Variants in SLK observed in about 807,000 individuals in gnomAD.
SLK encodes STE20-like serine/threonine-protein kinase.
SLK carries 67 observed loss-of-function variants against 147.7 expected under a neutral mutation model. The observed-to-expected ratio is 0.45, with a 90% CI of 0.37 to 0.56. The LOEUF is 0.56. Among genes scored for constraint, SLK ranks in the 20% least tolerant of loss-of-function variants. The probability of loss-of-function intolerance (pLI) is 0.00; values close to 1 mark genes in which losing one functional copy is unlikely to be tolerated. For missense variants in SLK, 1,136 were observed against 1,438.8 expected (o/e 0.79, Z 3.41); for synonymous variants, 441 against 475.0 (o/e 0.93, Z 0.93).
Position 104,008,273 on chromosome 10 carries a change from C to G in SLK, c.2701C>G (p.Arg901Gly). 6.2e-7 allele frequency: 1 copy of G among 1,613,712 alleles called. No homozygotes were observed. Among genetic ancestry groups the G allele is most frequent in the Non-Finnish European group, 8.5e-7 (1 of 1,179,812 alleles). ...GGAACAAGAGCACACAAATCGCTTG[C>G]GAGATGAAGCCAAACGCATCAAAGG... is the stretch of plus-strand genomic sequence containing the variant. ...RLEQEHTNRL[R>G]DEAKRIKGEQ... is the part of the protein sequence containing the mutation. Residue 901 changes from arginine (R) to glycine (G), a missense_variant, in exon 12 of 19, where the codon CGA becomes GGA. This residue lies in a region of SLK where 327 missense variants were observed against 457.5 expected (regional missense o/e 0.71). Coordinates refer to ENST00000369755, the MANE Select transcript of SLK (RefSeq NM_014720.4).
intron 11 of SLK, among the ~76,000 whole-genome samples, chr10:104,006,561 A>G (rs1844328591): frequency 6.6e-6 from 1 of 152,226 alleles, no homozygotes; most frequent in African/African-American, 2.4e-5. Flanking sequence ...GGTAGCTGTC[A>G]CTGAGTCCTT....
chr10:104,012,138 G>A (rs1368387778), intron 13 of SLK, among the ~76,000 whole-genome samples: 2 of 151,852 alleles, frequency 1.3e-5, no homozygotes, highest in Non-Finnish European at 2.9e-5. Context: ...GGATTTTATA[G>A]ACCCATAAAA....
At chr10:104,010,138 C>T (rs547068134) in intron 12 of SLK, among the ~76,000 whole-genome samples, 1 of 152,228 alleles carries the variant, frequency 6.6e-6, no homozygotes, top group East Asian at 1.9e-4. Flanking sequence ...TTTAAGAGTG[C>T]TTATATTACC....
chr10:104,019,481 A>G (rs528002813), intron 15 of SLK, among the ~76,000 whole-genome samples: 21 of 152,182 alleles, frequency 1.4e-4, no homozygotes, highest in Non-Finnish European at 2.8e-4. Flanking sequence ...TATGTTTCAC[A>G]GGCTGGTCTC....
chr10:104,025,182 G>T (rs1258425920), intron 18 of SLK, among the ~76,000 whole-genome samples: 1 of 152,158 alleles, frequency 6.6e-6, no homozygotes, highest in Admixed American at 6.5e-5. Flanking sequence ...TAACAAGTAG[G>T]CAGGGGTAAG....
At chr10:104,010,494 G>T (rs1005871830) in intron 12 of SLK, among the ~76,000 whole-genome samples, 5 of 152,206 alleles carry the variant, frequency 3.3e-5, no homozygotes, top group Non-Finnish European at 2.9e-5. Flanking sequence ...AACAAGGTCA[G>T]TTGAGTTTAT....
intron 18 of SLK, among the ~76,000 whole-genome samples, chr10:104,023,351 G>T (rs557532173): frequency 7.9e-5 from 12 of 152,320 alleles, no homozygotes; most frequent in Admixed American, 5.9e-4. Flanking sequence ...AATGGTAGCA[G>T]TTGTATAGAG....
intron 18 of SLK, among the ~76,000 whole-genome samples, chr10:104,022,189 A>C (rs1411247291): frequency 6.6e-6 from 1 of 152,016 alleles, no homozygotes; most frequent in Non-Finnish European, 1.5e-5. Flanking sequence ...GGAGTATGAG[A>C]GGGGGTGTGT....
chr10:104,020,756 C>A, intron 17 of SLK, 143 bp downstream of exon 17: 2 of 770,980 alleles, frequency 2.6e-6, no homozygotes, highest in Non-Finnish European at 4.1e-6. Flanking sequence ...TGTACAGATC[C>A]AAATGAAGAT....
chr10:103,995,074 AACACCAATT>A (rs1844149378), intron 4 of SLK, among the ~76,000 whole-genome samples: 1 of 152,208 alleles, frequency 6.6e-6, no homozygotes, highest in Non-Finnish European at 1.5e-5. Context: ...TTTTGATATA[AACACCAATT>A]ATTTCATTAT....
At chr10:103,983,049 G>A (rs532194524) in intron 1 of SLK, among the ~76,000 whole-genome samples, 6 of 142,642 alleles carry the variant, frequency 4.2e-5, no homozygotes, top group Admixed American at 2.1e-4. Flanking sequence ...TCTATGTGAG[G>A]GGTGTGTGTA....
At position 104,003,531 on chromosome 10, in the gene SLK, AGT is replaced by A; in HGVS notation, c.2349+7_2349+8del. Reference sequence around the variant, plus strand: ...CAGTGGATCGATATCTTTACAAGTAAGTGTACATGAGTCATTGTTTGGGTTTT... The same window carrying A: ...CAGTGGATCGATATCTTTACAAGTAAGTACATGAGTCATTGTTTGGGTTTT... On this transcript the variant is annotated splice_donor_5th_base_variant and intron_variant, in intron 9 of 18. Coordinates refer to ENST00000369755, the MANE Select transcript of SLK (RefSeq NM_014720.4). 2 of 1,527,980 alleles carry A rather than the reference AGT, an allele frequency of 1.3e-6. No homozygotes were observed. Among genetic ancestry groups the A allele is most frequent in the East Asian group, 2.3e-5 (1 of 44,060 alleles). 94.7% of individuals were successfully genotyped at this position (1,527,980 alleles called of 1,614,324 possible). A position where few individuals can be genotyped will look rare whatever the true frequency, so the allele number is the denominator to read the frequency against.
intron 1 of SLK, among the ~76,000 whole-genome samples, chr10:103,987,047 T>C (rs1197249371): frequency 1.3e-5 from 2 of 152,220 alleles, no homozygotes; most frequent in African/African-American, 4.8e-5. Flanking sequence ...TATGTCCCAG[T>C]TATATTAGTG....
In SLK at chr10:104,026,964, C is replaced by T. The variant is rs1277452183; in HGVS notation, c.*1244C>T. ...TAGTCCCTTATGAGGCTTAGAATTT[C>T]AACCACGTGTCAGGTCAGACAGTAT... On this transcript the variant is annotated 3_prime_UTR_variant, in exon 19 of 19. Coordinates refer to ENST00000369755, the MANE Select transcript of SLK (RefSeq NM_014720.4). 6.6e-6 allele frequency: 1 copy of T among 152,166 alleles called. No homozygotes were observed. Among genetic ancestry groups the T allele is most frequent in the Non-Finnish European group, 1.5e-5 (1 of 68,028 alleles). The allele number at this position is 152,166 out of a possible 1,614,324, so 9.4% of individuals were successfully genotyped here. A position where few individuals can be genotyped will look rare whatever the true frequency, so the allele number is the denominator to read the frequency against.
At chr10:104,003,753 A>C (rs1298442850) in intron 9 of SLK, among the ~76,000 whole-genome samples, 1 of 152,246 alleles carries the variant, frequency 6.6e-6, no homozygotes, top group Admixed American at 6.5e-5. Context: ...TGATGCAGAT[A>C]AACAGTGTAA....
At position 104,019,932 on chromosome 10, in the gene SLK, C is replaced by T. The variant is rs1796223367; in HGVS notation, c.3321+10C>T. The T allele has an allele frequency of 3.1e-6, 5 of 1,595,764 alleles. No individual in the cohort carries two copies. The highest frequency in any genetic ancestry group is 4.3e-6 in the Non-Finnish European group (5 of 1,167,016). On this transcript the variant is annotated intron_variant, in intron 16 of 18. Transcript: ENST00000369755. Reference sequence around the variant, plus strand: ...TGATAAAATTAAACAGGTAAATATGCAAGTTAGTCTCTTCTCTTTTAGGTT... The same window carrying T: ...TGATAAAATTAAACAGGTAAATATGTAAGTTAGTCTCTTCTCTTTTAGGTT...
chr10:103,987,909 G>A (rs1589530457), intron 1 of SLK, among the ~76,000 whole-genome samples: 3 of 152,126 alleles, frequency 2.0e-5, no homozygotes, highest in Non-Finnish European at 2.9e-5. Context: ...CCCTCTTAGC[G>A]TCCCTGCTGG....
chr10:103,987,332 G>T (rs1286288108), intron 1 of SLK, among the ~76,000 whole-genome samples: 1 of 152,008 alleles, frequency 6.6e-6, no homozygotes, highest in Non-Finnish European at 1.5e-5. Flanking sequence ...AAGTATAAAA[G>T]ATACATCTTT....
chr10:104,019,715 C>G lies in SLK; in HGVS notation c.3133-19C>G. 6.3e-7 allele frequency: 1 copy of G among 1,592,406 alleles called. No homozygotes were observed. Among genetic ancestry groups the G allele is most frequent in the Non-Finnish European group, 8.6e-7 (1 of 1,161,242 alleles). ...ACTATTGTTTCTGCGTCACTGGATT[C>G]TATTTAAAACTTTCATAGGAAACAG... On this transcript the variant is annotated intron_variant, in intron 15 of 18. Transcript: ENST00000369755.
Sources: gnomAD v4.1 joint callset for allele counts (sites outside exome capture counted in the v4.1 genomes callset) on GRCh38, gnomAD v4.1.1 for gene constraint, gnomAD v4.1.1 regional missense constraint, MANE v1.5 for transcripts, NCBI Gene and HGNC (gene_info 2026-07-23, HGNC 2026-07-21) for gene names.